Variants in LYN observed in about 807,000 individuals in gnomAD.
The protein encoded by LYN is LYN proto-oncogene, Src family tyrosine kinase, also known as tyrosine-protein kinase Lyn.
A neutral mutation model predicts 65.0 loss-of-function variants in LYN; 12 were observed. The ratio of observed to expected loss-of-function variants is 0.18; its 90% CI spans 0.12 to 0.30. The LOEUF is 0.30. Ranked by LOEUF, LYN falls within the 10% of genes least tolerant of loss-of-function variation. The probability of loss-of-function intolerance (pLI) is 1.00; values close to 1 mark genes in which losing one functional copy is unlikely to be tolerated. For missense variants in LYN, 380 were observed against 623.2 expected (o/e 0.61, Z 4.16); for synonymous variants, 222 against 221.2 (o/e 1.00, Z -0.03).
intron 1 of LYN, among the ~76,000 whole-genome samples, chr8:55,907,492 G>A (rs540248510): frequency 7.2e-5 from 11 of 152,174 alleles, no homozygotes; most frequent in Non-Finnish European, 1.3e-4. Flanking sequence ...AGGTGGTTAC[G>A]TGGGCACATA....
chr8:55,927,254 A>G (rs1563514052), intron 1 of LYN, among the ~76,000 whole-genome samples: 1 of 152,120 alleles, frequency 6.6e-6, no homozygotes, highest in African/African-American at 2.4e-5. Flanking sequence ...TTATTCCTCT[A>G]TTCCCGAAAC....
chr8:55,961,531 G>A (rs1489517089), intron 8 of LYN, among the ~76,000 whole-genome samples: 1 of 152,098 alleles, frequency 6.6e-6, no homozygotes, highest in Non-Finnish European at 1.5e-5. Flanking sequence ...GTTTGACACA[G>A]CTGCTTTATC....
chr8:55,887,571 T>TACAC (rs771404548), intron 1 of LYN, among the ~76,000 whole-genome samples: 37 of 50,352 alleles, frequency 7.3e-4, no homozygotes, highest in African/African-American at 2.4e-3. Context: ...TATATATATA[T>TACAC]ATATACACAC....
At chr8:55,890,853 G>T (rs2130361608) in intron 1 of LYN, among the ~76,000 whole-genome samples, 1 of 151,558 alleles carries the variant, frequency 6.6e-6, no homozygotes, top group Admixed American at 6.6e-5. Flanking sequence ...TCAGCCTCTT[G>T]AGTAGCTGAG....
rs144381182 is a variant in LYN at position 56,010,729 on chromosome 8, C to CT, written c.*620dup. ...CTTCTATGAACACTGCTCAGACCTG[C>CT]TAGACATGCCATAGGAGTGGCGTGC... On this transcript the variant is annotated 3_prime_UTR_variant, in exon 13 of 13. Coordinates refer to ENST00000519728, the MANE Select transcript of LYN (RefSeq NM_002350.4). 0.22 allele frequency: 49,766 copies of CT among 230,642 alleles called. 5,895 individuals are homozygous for CT. The highest frequency in any genetic ancestry group is 0.3 in the Middle Eastern group (225 of 756). The allele number at this position is 230,642 out of a possible 1,614,324, so 14.3% of individuals were successfully genotyped here. A position where few individuals can be genotyped will look rare whatever the true frequency, so the allele number is the denominator to read the frequency against.
chr8:55,905,678 C>G (rs1031496054), intron 1 of LYN, among the ~76,000 whole-genome samples: 5 of 152,120 alleles, frequency 3.3e-5, no homozygotes, highest in Non-Finnish European at 7.4e-5. Context: ...CCCCCAAACA[C>G]TTAAGAGGCC....
chr8:55,905,777 G>A (rs1805402191), intron 1 of LYN, among the ~76,000 whole-genome samples: 1 of 152,136 alleles, frequency 6.6e-6, no homozygotes, highest in Admixed American at 6.5e-5. Context: ...TGCCTTGTCT[G>A]TGTCATATGC....
intron 1 of LYN, among the ~76,000 whole-genome samples, chr8:55,905,411 AAAAAAAAG>A (rs869157664): frequency 8.9e-3 from 112 of 12,568 alleles, no homozygotes; most frequent in African/African-American, 0.088. Context: ...CTCCGTCTCA[AAAAAAAAG>A]AAAGAAAGAA....
intron 8 of LYN, among the ~76,000 whole-genome samples, chr8:55,959,352 T>C (rs1341504844): frequency 6.6e-6 from 1 of 152,266 alleles, no homozygotes; most frequent in African/African-American, 2.4e-5. Context: ...CTTGATTTAC[T>C]AATAACGTTT....
chr8:55,949,555 CTTTTA>C (rs1806877858), intron 4 of LYN, among the ~76,000 whole-genome samples: 1 of 152,096 alleles, frequency 6.6e-6, no homozygotes, highest in Non-Finnish European at 1.5e-5. Flanking sequence ...CACTTTTTTC[CTTTTA>C]TTTTTAGTTG....
At chr8:55,917,981 G>C (rs1412087027) in intron 1 of LYN, among the ~76,000 whole-genome samples, 1 of 152,212 alleles carries the variant, frequency 6.6e-6, no homozygotes, top group African/African-American at 2.4e-5. Context: ...AGAAATGGGG[G>C]ATTTATTGGA....
chr8:55,986,711 C>G (rs1356551104), intron 10 of LYN, among the ~76,000 whole-genome samples: 1 of 152,152 alleles, frequency 6.6e-6, no homozygotes, highest in Non-Finnish European at 1.5e-5. Context: ...CAAGCTTTAA[C>G]TTGACTGTTT....
intron 1 of LYN, among the ~76,000 whole-genome samples, chr8:55,902,255 A>G (rs1585577247): frequency 6.6e-6 from 1 of 151,016 alleles, no homozygotes; most frequent in Non-Finnish European, 1.5e-5. Flanking sequence ...TGATCTGCCC[A>G]TTTTTGCCTC....
At chr8:55,961,945 T>G in intron 8 of LYN, among the ~76,000 whole-genome samples, 1 of 146,986 alleles carries the variant, frequency 6.8e-6, no homozygotes, top group East Asian at 2.2e-4. Context: ...GTTTTCTGAC[T>G]TCTTCTTAAT....
chr8:55,947,274 A>G (rs573059409), intron 3 of LYN, among the ~76,000 whole-genome samples: 29 of 152,358 alleles, frequency 1.9e-4, no homozygotes, highest in African/African-American at 7.0e-4. Context: ...AAAATGCTAC[A>G]TGATGTTTAT....
chr8:55,891,481 A>G (rs1341640190), intron 1 of LYN, among the ~76,000 whole-genome samples: 1 of 152,214 alleles, frequency 6.6e-6, no homozygotes, highest in African/African-American at 2.4e-5. Flanking sequence ...GAGGTTCCTC[A>G]AATAGTCAAA....
At chr8:55,986,194 C>CCCCCA (rs1554518222) in intron 10 of LYN, among the ~76,000 whole-genome samples, 1 of 145,934 alleles carries the variant, frequency 6.9e-6, no homozygotes, top group Non-Finnish European at 1.5e-5. Flanking sequence ...ATCCCCCCCG[C>CCCCCA]AAAAAAAAAC....
chr8:55,933,902 C>T (rs756632109), intron 1 of LYN, among the ~76,000 whole-genome samples: 3 of 152,166 alleles, frequency 2.0e-5, no homozygotes, highest in Non-Finnish European at 2.9e-5. Context: ...GGTCTACCTA[C>T]GGCTGTGCTT....
intron 1 of LYN, among the ~76,000 whole-genome samples, chr8:55,888,778 C>T (rs1363009422): frequency 6.6e-6 from 1 of 152,060 alleles, no homozygotes; most frequent in East Asian, 1.9e-4. Flanking sequence ...ACTCTGTCAT[C>T]CAGGCTGGAG....
Sources: gnomAD v4.1 joint callset for allele counts (sites outside exome capture counted in the v4.1 genomes callset) on GRCh38, gnomAD v4.1.1 for gene constraint, MANE v1.5 for transcripts, NCBI Gene and HGNC (gene_info 2026-07-23, HGNC 2026-07-21) for gene names.